The following SUGCT variants were observed in gnomAD, a reference collection of about 807,000 sequenced individuals.
SUGCT encodes the protein succinyl-CoA:glutarate CoA-transferase.
In SUGCT, 41 loss-of-function variants were observed where a neutral mutation model predicts 55.0. The ratio of observed to expected loss-of-function variants is 0.74; its 90% confidence interval spans 0.58 to 0.97. SUGCT has a LOEUF of 0.97. SUGCT is among the 50% of genes least tolerant of loss of function. The pLI, the probability that SUGCT is intolerant of heterozygous loss-of-function variation, is 0.00. For synonymous variants in SUGCT, 187 were observed against 200.4 expected (o/e 0.93, Z 0.56); for missense variants, 568 against 547.8 (o/e 1.04, Z -0.37).
chr7:40,493,449 A>G (rs1791802147), intron 11 of SUGCT, among the ~76,000 whole-genome samples: 2 of 152,192 alleles, frequency 1.3e-5, no homozygotes, highest in African/African-American at 2.4e-5. Context: ...TTCATTTTAT[A>G]AAGAGAAAAA....
chr7:40,350,707 A>G (rs1474439013), intron 9 of SUGCT, among the ~76,000 whole-genome samples: 1 of 152,040 alleles, frequency 6.6e-6, no homozygotes, highest in Non-Finnish European at 1.5e-5. Flanking sequence ...TTTGTTACAT[A>G]GGTATACAGG....
chr7:40,999,381 T>A, the SUGCT span, among the ~76,000 whole-genome samples: 3 of 152,122 alleles, frequency 2.0e-5, no homozygotes, highest in African/African-American at 7.2e-5. Context: ...ATGGACAAAT[T>A]CACAATTTCT....
At chr7:40,749,659 T>A (rs938491102) in intron 13 of SUGCT, among the ~76,000 whole-genome samples, 162 bp downstream of exon 13, 1 of 152,310 alleles carries the variant, frequency 6.6e-6, no homozygotes, top group South Asian at 2.1e-4. Context: ...CTCACAAAAA[T>A]GTATGCTGAG....
intron 13 of SUGCT, among the ~76,000 whole-genome samples, chr7:40,859,721 A>T (rs1328430070): frequency 6.6e-6 from 1 of 152,242 alleles, no homozygotes; most frequent in Non-Finnish European, 1.5e-5. Context: ...AATTCATCCA[A>T]GATGGCTCTG....
chr7:40,557,582 G>A (rs1795615694), intron 12 of SUGCT, among the ~76,000 whole-genome samples: 1 of 152,030 alleles, frequency 6.6e-6, no homozygotes. Context: ...AGACCACCCT[G>A]GCCAACGTAG....
chr7:40,686,881 A>G (rs959451780), intron 12 of SUGCT, among the ~76,000 whole-genome samples: 1 of 152,166 alleles, frequency 6.6e-6, no homozygotes, highest in Non-Finnish European at 1.5e-5. Flanking sequence ...CAAAACCTCT[A>G]GAAGCTGGGG....
chr7:40,480,887 C>A (rs961951496), intron 11 of SUGCT, among the ~76,000 whole-genome samples: 3 of 152,050 alleles, frequency 2.0e-5, no homozygotes, highest in Non-Finnish European at 2.9e-5. Flanking sequence ...CATACATACA[C>A]CCAGAGACAC....
chr7:40,326,603 G>A (rs1050937824), intron 9 of SUGCT, among the ~76,000 whole-genome samples: 3 of 151,998 alleles, frequency 2.0e-5, no homozygotes, highest in African/African-American at 4.8e-5. Context: ...GAACTTTTTC[G>A]GAAATTGTAG....
chr7:40,237,423 G>A (rs189221437), intron 6 of SUGCT, among the ~76,000 whole-genome samples: 122 of 152,028 alleles, frequency 8.0e-4, no homozygotes, highest in African/African-American at 2.8e-3. Flanking sequence ...CACCCTGCTC[G>A]ACGGGAACGA....
intron 13 of SUGCT, among the ~76,000 whole-genome samples, chr7:40,827,007 A>G (rs879628122): frequency 6.6e-6 from 1 of 152,146 alleles, no homozygotes; most frequent in Non-Finnish European, 1.5e-5. Flanking sequence ...AGATTTTTCT[A>G]TCTTCATTTT....
Position 40,269,463 on chromosome 7 carries a change from CAGGT to C in SUGCT, c.577-5049_577-5046del, listed in dbSNP as rs564055603. Among the ~76,000 whole-genome samples the C allele has an allele frequency of 7.9e-5, 12 of 152,188 alleles. 1 individual carries two copies. In the South Asian group the frequency reaches 2.1e-3, roughly 26 times the overall value. ...TCAGTGTCCCTAGTAGCTGGGACCA[CAGGT>C]GTGCACCACTATGTCTGGCTAATTT... On this transcript the variant is annotated intron_variant, in intron 7 of 13. Coordinates refer to ENST00000335693, the MANE Select transcript of SUGCT (RefSeq NM_001193313.2).
intron 12 of SUGCT, among the ~76,000 whole-genome samples, chr7:40,630,381 C>T (rs936971913): frequency 6.6e-6 from 1 of 152,174 alleles, no homozygotes; most frequent in Non-Finnish European, 1.5e-5. Flanking sequence ...TTATAAAATA[C>T]CTGCTATCTG....
chr7:40,972,557 C>A, the SUGCT span, among the ~76,000 whole-genome samples: 5 of 152,176 alleles, frequency 3.3e-5, no homozygotes, highest in Admixed American at 1.3e-4. Flanking sequence ...AACAGGAATA[C>A]TGAGCTTAGG....
chr7:40,536,933 T>C (rs762168980), intron 12 of SUGCT, among the ~76,000 whole-genome samples: 1 of 152,180 alleles, frequency 6.6e-6, no homozygotes, highest in Non-Finnish European at 1.5e-5. Context: ...AGTAGGAAAT[T>C]AAACAACAAA....
rs1282284367 is a variant in SUGCT at position 40,614,464 on chromosome 7, G to GCAGCATCTCACAAAGTCAGTGT, written c.1089+118082_1089+118103dup. Among the ~76,000 whole-genome samples the GCAGCATCTCACAAAGTCAGTGT allele has an allele frequency of 3.3e-5, 5 of 152,210 alleles. No individual in the cohort carries two copies. The East Asian group carries it at 7.7e-4, about 24-fold the overall frequency. On this transcript the variant is annotated intron_variant, in intron 12 of 13. Coordinates refer to ENST00000335693, the MANE Select transcript of SUGCT (RefSeq NM_001193313.2). The stretch of plus-strand genomic sequence containing the variant: ...TCATATGCTGACATCTTTATTTCTT[G>GCAGCATCTCACAAAGTCAGTGT]CAGCATCTCACAAAGTCAGTGTCAG...
chr7:40,400,829 G>A (rs181930877), intron 9 of SUGCT, among the ~76,000 whole-genome samples: 34 of 152,208 alleles, frequency 2.2e-4, no homozygotes, highest in African/African-American at 7.2e-4. Context: ...CAGGCCAGTC[G>A]CCAGAGATAA....
intron 12 of SUGCT, among the ~76,000 whole-genome samples, chr7:40,707,098 A>T (rs1785456531): frequency 6.6e-6 from 1 of 152,216 alleles, no homozygotes; most frequent in Non-Finnish European, 1.5e-5. Flanking sequence ...CCAAGGTAGA[A>T]CTGTTTGGAC....
chr7:40,581,501 G>A (rs1797088723), intron 12 of SUGCT, among the ~76,000 whole-genome samples: 1 of 152,178 alleles, frequency 6.6e-6, no homozygotes, highest in Non-Finnish European at 1.5e-5. Context: ...TTTTCTTGGG[G>A]AAAGATGTGG....
At chr7:40,734,739 G>T (rs1787073165) in intron 12 of SUGCT, among the ~76,000 whole-genome samples, 1 of 152,036 alleles carries the variant, frequency 6.6e-6, no homozygotes, top group Non-Finnish European at 1.5e-5. Context: ...AAATAGAATG[G>T]TTGGCAGACA....
Sources: gnomAD v4.1 joint callset for allele counts (sites outside exome capture counted in the v4.1 genomes callset) on GRCh38, gnomAD v4.1.1 for gene constraint, MANE v1.5 for transcripts, NCBI Gene and HGNC (gene_info 2026-07-23, HGNC 2026-07-21) for gene names.